The following GRM1 variants were observed in gnomAD, a reference collection of about 807,000 sequenced individuals.
GRM1 encodes the protein glutamate metabotropic receptor 1, also known as metabotropic glutamate receptor 1.
A neutral mutation model predicts 90.9 loss-of-function variants in GRM1; 33 were observed. The observed-to-expected ratio is 0.36, with a 90% CI of 0.28 to 0.49. The LOEUF (loss-of-function observed/expected upper bound fraction) is 0.49. Ranked by LOEUF, GRM1 falls within the 20% of genes least tolerant of loss-of-function variation. GRM1 has a pLI of 0.99. For missense variants in GRM1, 1,190 were observed against 1,534.3 expected (o/e 0.78, Z 3.75); for synonymous variants, 700 against 613.2 (o/e 1.14, Z -2.09).
intron 2 of GRM1, among the ~76,000 whole-genome samples, chr6:146,278,912 A>G (rs986835587): frequency 6.6e-6 from 1 of 152,162 alleles, no homozygotes; most frequent in Non-Finnish European, 1.5e-5. Flanking sequence ...TCACCGTGTT[A>G]GTCAGGATGG....
intron 1 of GRM1, among the ~76,000 whole-genome samples, chr6:146,090,937 A>C (rs553783965): frequency 1.3e-5 from 2 of 152,206 alleles, no homozygotes; most frequent in East Asian, 1.9e-4. Context: ...GGGAAAAAAA[A>C]CCAAAAAGAG....
intron 1 of GRM1, among the ~76,000 whole-genome samples, chr6:146,146,182 G>A (rs1235577730): frequency 8.5e-6 from 1 of 117,564 alleles, no homozygotes; most frequent in Admixed American, 1.2e-4. Context: ...TCTGCCTCCC[G>A]GGTTCACGTC....
rs772690817 is a variant in GRM1, at chr6:146,434,236, C to T, written c.3025C>T (p.Leu1009Phe). 1.2e-6 allele frequency: 2 copies of T among 1,605,148 alleles called. No homozygotes were observed. The highest frequency in any genetic ancestry group is 1.7e-6 in the Non-Finnish European group (2 of 1,174,310). ...CCCCCTCTTCCTGGCCGAACCAGCCCTCCCCAAGGGCTTGCCCCCTCCTCT... is the reference window on the plus strand; with the variant it reads ...CCCCCTCTTCCTGGCCGAACCAGCCTTCCCCAAGGGCTTGCCCCCTCCTCT... ...ETPLFLAEPA[L>F]PKGLPPPLQQ... is the part of the protein sequence containing the mutation. The change falls in exon 8 of 8, where the codon CTC becomes TTC. Residue 1009 changes from leucine (L) to phenylalanine (F), a missense_variant. Leu to Phe is a conservative substitution (Grantham distance 22). Coordinates refer to ENST00000282753, the MANE Select transcript of GRM1 (RefSeq NM_001278064.2).
intron 1 of GRM1, among the ~76,000 whole-genome samples, chr6:146,135,566 CAGTGCAAG>C (rs1776587971): frequency 6.6e-6 from 1 of 152,184 alleles, no homozygotes; most frequent in South Asian, 2.1e-4. Context: ...TAACCCAGGG[CAGTGCAAG>C]AACTTGCACA....
chr6:146,218,965 G>T (rs573115313), intron 2 of GRM1, among the ~76,000 whole-genome samples: 1 of 152,184 alleles, frequency 6.6e-6, no homozygotes, highest in East Asian at 1.9e-4. Context: ...CCTACCCACG[G>T]TTTGCTTGAT....
chr6:146,410,797 GA>G (rs1777536312), intron 7 of GRM1, among the ~76,000 whole-genome samples: 1 of 152,002 alleles, frequency 6.6e-6, no homozygotes, highest in Non-Finnish European at 1.5e-5. Context: ...GGAAAATGAA[GA>G]AAAAAATAAA....
chr6:146,033,606 T>C (rs1281876222), intron 1 of GRM1, among the ~76,000 whole-genome samples: 1 of 152,120 alleles, frequency 6.6e-6, no homozygotes. Context: ...AGTATTGATA[T>C]AATAATGAAT....
intron 1 of GRM1, among the ~76,000 whole-genome samples, chr6:146,068,201 C>T (rs1775912289): frequency 6.6e-6 from 1 of 151,990 alleles, no homozygotes; most frequent in Non-Finnish European, 1.5e-5. Flanking sequence ...GCAAGCTCCA[C>T]CTCCGGGGTT....
chr6:146,111,467 T>C (rs1775556427), intron 1 of GRM1, among the ~76,000 whole-genome samples: 1 of 149,248 alleles, frequency 6.7e-6, no homozygotes, highest in Non-Finnish European at 1.5e-5. Context: ...GCAAGCAATA[T>C]TAAATGATTT....
intron 3 of GRM1, among the ~76,000 whole-genome samples, chr6:146,320,498 G>A (rs922775153): frequency 6.6e-6 from 1 of 152,046 alleles, no homozygotes; most frequent in African/African-American, 2.4e-5. Flanking sequence ...TTAGGGAGGA[G>A]TCCCTCTTTT....
intron 3 of GRM1, among the ~76,000 whole-genome samples, chr6:146,307,277 G>T (rs1783611532): frequency 6.6e-6 from 1 of 152,086 alleles, no homozygotes; most frequent in South Asian, 2.1e-4. Flanking sequence ...TATGAAACAT[G>T]TTTATATTTG....
At chr6:146,202,962 A>G (rs13202393) in intron 2 of GRM1, among the ~76,000 whole-genome samples, 20,060 of 151,962 alleles carry the variant, frequency 0.13, 2,280 homozygotes, top group African/African-American at 0.31. Context: ...TTGGGAGGCC[A>G]AGGCGGGCGG....
chr6:146,384,344 G>T (rs1032849268), intron 5 of GRM1, among the ~76,000 whole-genome samples: 1 of 152,058 alleles, frequency 6.6e-6, no homozygotes, highest in South Asian at 2.1e-4. Context: ...ACTTCCAGCA[G>T]CCAGAGTAGA....
At chr6:146,389,507 T>C (rs1776639851) in intron 6 of GRM1, among the ~76,000 whole-genome samples, 1 of 152,144 alleles carries the variant, frequency 6.6e-6, no homozygotes, top group South Asian at 2.1e-4. Context: ...GATTATTGCA[T>C]ATTTTCTGTC....
At chr6:146,041,203 C>A (rs1335694542) in intron 1 of GRM1, among the ~76,000 whole-genome samples, 1 of 151,860 alleles carries the variant, frequency 6.6e-6, no homozygotes, top group Non-Finnish European at 1.5e-5. Flanking sequence ...ATTCTTATTT[C>A]GGATTATTGA....
chr6:146,320,190 A>G (rs1284175487), intron 3 of GRM1, among the ~76,000 whole-genome samples: 2 of 152,104 alleles, frequency 1.3e-5, no homozygotes, highest in East Asian at 3.9e-4. Context: ...GTTTAATTTT[A>G]TCAAGGCCTT....
At chr6:146,120,649 A>C (rs1412798758) in intron 1 of GRM1, among the ~76,000 whole-genome samples, 2 of 152,034 alleles carry the variant, frequency 1.3e-5, no homozygotes, top group Admixed American at 1.3e-4. Context: ...TAGCGTGAAG[A>C]GTTGTTGAAT....
chr6:146,146,021 T>G (rs1562491534), intron 1 of GRM1, among the ~76,000 whole-genome samples: 1 of 150,724 alleles, frequency 6.6e-6, no homozygotes, highest in Non-Finnish European at 1.5e-5. Flanking sequence ...CAGACTTTCC[T>G]AAGGCCTCTT....
intron 2 of GRM1, among the ~76,000 whole-genome samples, chr6:146,222,704 C>T (rs1381996430): frequency 1.3e-5 from 2 of 152,074 alleles, no homozygotes; most frequent in East Asian, 1.9e-4. Flanking sequence ...AATTGAGAAA[C>T]GCCCCCATAG....
Sources: gnomAD v4.1 joint callset for allele counts (sites outside exome capture counted in the v4.1 genomes callset) on GRCh38, gnomAD v4.1.1 for gene constraint, MANE v1.5 for transcripts, NCBI Gene and HGNC (gene_info 2026-07-23, HGNC 2026-07-21) for gene names.